The following CMTR1 variants were observed in gnomAD, a reference collection of about 807,000 sequenced individuals.
CMTR1 encodes the protein cap methyltransferase 1, also known as cap-specific mRNA (nucleoside-2'-O-)-methyltransferase 1.
Under a neutral mutation model 107.0 loss-of-function variants are expected in CMTR1, and 39 were observed. That is an observed-to-expected ratio of 0.36 (90% CI 0.28 to 0.48). CMTR1 has a LOEUF of 0.48. Ranked by LOEUF, CMTR1 falls within the 20% of genes least tolerant of loss-of-function variation. The probability of loss-of-function intolerance (pLI) is 0.99; values close to 1 mark genes in which losing one functional copy is unlikely to be tolerated. For synonymous variants in CMTR1, 366 were observed against 379.5 expected, an observed-to-expected ratio of 0.96 and a Z score of 0.41; for missense variants, 672 against 1,064.9, an observed-to-expected ratio of 0.63 and a Z score of 5.14.
chr6:37,479,349 T>G (rs1761808372), intron 23 of CMTR1, 94 bp downstream of exon 23: 1 of 888,996 alleles, frequency 1.1e-6, no homozygotes, highest in Non-Finnish European at 1.9e-6. Flanking sequence ...CCCTGGGTCC[T>G]GAGACTGTTG....
chr6:37,471,719 A>G (rs1338415322), intron 14 of CMTR1, 128 bp from the exon 15 acceptor site: 3 of 717,258 alleles, frequency 4.2e-6, no homozygotes, highest in Non-Finnish European at 7.0e-6. Context: ...CAGTGGCAGC[A>G]TAGTGTCTGT....
Position 37,472,578 on chromosome 6 carries a change from A to G in CMTR1, c.1689+91A>G. On this transcript the variant is annotated intron_variant, in intron 16 of 23. Transcript: ENST00000373451. This position sits in a 1 kb window ranked among gnomAD's most constrained non-coding sequence, Gnocchi z 4.1. Reference sequence around the variant, plus strand: ...CTGAGGCCCCAGATGCATGGTCTCCAGAGGGCTTGTGCAGATGCCCACCAT... The same window carrying G: ...CTGAGGCCCCAGATGCATGGTCTCCGGAGGGCTTGTGCAGATGCCCACCAT... 1.5e-6 allele frequency: 2 copies of G among 1,316,290 alleles called. 1 individual carries two copies. The highest frequency in any genetic ancestry group is 2.2e-6 in the Non-Finnish European group (2 of 912,496). The allele number at this position is 1,316,290 out of a possible 1,614,324, so 81.5% of individuals were successfully genotyped here.
Position 37,453,136 on chromosome 6 carries a change from A to G in CMTR1, c.699A>G (p.Leu233=), listed in dbSNP as rs746839682. 1 of 1,614,106 alleles carries G rather than the reference A, an allele frequency of 6.2e-7. No homozygotes were observed. The highest frequency in any genetic ancestry group is 1.7e-5 in the Admixed American group (1 of 60,022). The change falls in exon 7 of 24, where the codon CTA becomes CTG. Residue 233 remains leucine, a synonymous_variant. Transcript: ENST00000373451. ...PYEMIRGVFF[L]NRAAMKMANM... ...AGATGATCCGAGGAGTCTTCTTTCT[A>G]AACAGGTTTGCTGACATTTCCCTCC...
chr6:37,446,266 G>C (rs371751551), intron 3 of CMTR1, 25 bp from the exon 4 acceptor site: 2 of 1,612,640 alleles, frequency 1.2e-6, no homozygotes, highest in Non-Finnish European at 1.7e-6. Flanking sequence ...CTAATTAATT[G>C]TGCTCCACTA....
chr6:37,480,863 C>T lies in CMTR1; in HGVS notation c.*718C>T. On this transcript the variant is annotated 3_prime_UTR_variant, in exon 24 of 24. Coordinates refer to ENST00000373451, the MANE Select transcript of CMTR1 (RefSeq NM_015050.3). ...CGTACTGAGTATGGAGTTGTAGAGC[C>T]ATCCTAGGTGCCATCCCCTTTTGGT... The T allele has an allele frequency of 8.4e-7, 1 of 1,190,456 alleles. No homozygotes were observed. Among genetic ancestry groups the T allele is most frequent in the Non-Finnish European group, 1.1e-6 (1 of 943,964 alleles). The allele number at this position is 1,190,456 out of a possible 1,614,324, so 73.7% of individuals were successfully genotyped here.
chr6:37,442,941 C>T (rs1771705297), intron 2 of CMTR1, among the ~76,000 whole-genome samples: 2 of 152,130 alleles, frequency 1.3e-5, no homozygotes, highest in Admixed American at 1.3e-4. Context: ...GGAATTATGC[C>T]ACATTGCTAA....
At chr6:37,471,811 A>C in intron 14 of CMTR1, 36 bp from the exon 15 acceptor site, 3 of 1,607,532 alleles carry the variant, frequency 1.9e-6, no homozygotes, top group Non-Finnish European at 2.6e-6. Context: ...TGTGCCTCTT[A>C]GAGATTTTAA....
intron 6 of CMTR1, 56 bp downstream of exon 6, chr6:37,451,933 G>A: frequency 1.4e-6 from 2 of 1,432,940 alleles, no homozygotes; most frequent in South Asian, 1.2e-5. Context: ...GTGATTTGCT[G>A]GACTTTTCCA....
chr6:37,462,732 A>C, intron 12 of CMTR1, 97 bp from the exon 13 acceptor site: 1 of 1,145,544 alleles, frequency 8.7e-7, no homozygotes, highest in East Asian at 2.4e-5. Flanking sequence ...TGAACAGGGA[A>C]GCCATTAAGC....
rs752327193 is a variant in CMTR1 at position 37,478,411 on chromosome 6, T to A, written c.2156T>A (p.Leu719Ter). 3 of 1,613,300 alleles carry A rather than the reference T, an allele frequency of 1.9e-6. No individual in the cohort carries two copies. Among genetic ancestry groups the A allele is most frequent in the Non-Finnish European group, 1.7e-6 (2 of 1,179,278 alleles). Residue 719 changes from leucine (L) to a stop codon, truncating the protein, a stop_gained and splice_region_variant, in exon 22 of 24, where the codon TTG becomes TAG. Coordinates refer to ENST00000373451, the MANE Select transcript of CMTR1 (RefSeq NM_015050.3). LOFTEE classifies it high-confidence loss of function. ...LEEMEKIFVRLEMKIIKGSSG... is the reference protein window; with the variant it reads ...LEEMEKIFVR The stretch of plus-strand genomic sequence containing the variant: ...ACGTACCTTCTCGGGGAAATCAGGT[T>A]GGAGATGAAGATCATCAAGGGCTCC...
chr6:37,465,157 A>G (rs559879159), intron 13 of CMTR1, among the ~76,000 whole-genome samples: 12 of 152,118 alleles, frequency 7.9e-5, no homozygotes, highest in Non-Finnish European at 1.6e-4. Context: ...AATCCCAGCT[A>G]CTGGGGAGGC....
Position 37,453,059 on chromosome 6 carries a change from G to A in CMTR1, c.622G>A (p.Val208Ile), listed in dbSNP as rs146524499. Residue 208 changes from valine (V) to isoleucine (I), a missense_variant, in exon 7 of 24, where the codon GTC becomes ATC. Transcript: ENST00000373451. ...ATTCTCTGGGCAGAGCGTGTTTGAT[G>A]TCTTGGATGGGGAAGAGATGCGGCG... ...SVLQCKSVFDVLDGEEMRRAR... is the reference protein window; with the variant it reads ...SVLQCKSVFDILDGEEMRRAR... 1.9e-6 allele frequency: 3 copies of A among 1,613,996 alleles called. No individual in the cohort carries two copies. The African/African-American group carries it at 4.0e-5, about 22-fold the overall frequency.
chr6:37,474,700 T>C (rs1761702281), intron 18 of CMTR1, 54 bp downstream of exon 18: 2 of 1,600,904 alleles, frequency 1.2e-6, no homozygotes, highest in South Asian at 2.2e-5. Context: ...ACTAGGGGGC[T>C]GCTGAACCTG....
rs1039602721 is a variant in CMTR1, at chr6:37,481,380, C to T, written c.*1235C>T. Reference sequence around the variant, plus strand: ...AATCGACTTCACCATGGGGGTCCTTCAGCCAGCATCCAGCTCCCCACCCCC... The same window carrying T: ...AATCGACTTCACCATGGGGGTCCTTTAGCCAGCATCCAGCTCCCCACCCCC... On this transcript the variant is annotated 3_prime_UTR_variant, in exon 24 of 24. Transcript: ENST00000373451. 1.0e-5 allele frequency: 12 copies of T among 1,187,710 alleles called. No individual in the cohort carries two copies. In the East Asian group the frequency reaches 6.5e-4, roughly 64 times the overall value. 73.6% of individuals were successfully genotyped at this position (1,187,710 alleles called of 1,614,324 possible). A position where few individuals can be genotyped will look rare whatever the true frequency, so the allele number is the denominator to read the frequency against.
At chr6:37,468,134 TTA>T (rs1345938862) in intron 13 of CMTR1, among the ~76,000 whole-genome samples, 1 of 151,816 alleles carries the variant, frequency 6.6e-6, no homozygotes, top group Non-Finnish European at 1.5e-5. Context: ...AGTATTCCTT[TTA>T]TCTCTTTGAG....
chr6:37,428,415 T>A (rs1771322859), upstream of CMTR1, among the ~76,000 whole-genome samples: 1 of 152,190 alleles, frequency 6.6e-6, no homozygotes, highest in Non-Finnish European at 1.5e-5. Context: ...GAACCCTCCC[T>A]TCGTGGGTTC....
At position 37,450,268 on chromosome 6, in the gene CMTR1, G is replaced by C; in HGVS notation, c.462G>C (p.Gln154His). 6.2e-7 allele frequency: 1 copy of C among 1,613,972 alleles called. No individual in the cohort carries two copies. The highest frequency in any genetic ancestry group is 8.5e-7 in the Non-Finnish European group (1 of 1,179,932). The part of the protein sequence containing the change: ...RDEPEPSACE[Q>H]VSWFPECTTE... ...GTTTGCAGCCCAGTGCTTGTGAGCA[G>C]GTGTCATGGTTTCCAGAATGTACCA... The change falls in exon 5 of 24, where the codon CAG becomes CAC. Residue 154 changes from glutamine (Q) to histidine (H), a missense_variant. Coordinates refer to ENST00000373451, the MANE Select transcript of CMTR1 (RefSeq NM_015050.3).
chr6:37,431,618 T>A (rs1196391947), upstream of CMTR1, among the ~76,000 whole-genome samples: 1 of 152,118 alleles, frequency 6.6e-6, no homozygotes, highest in Non-Finnish European at 1.5e-5. Context: ...CCGTGGTAAG[T>A]GCTTTGATAG....
chr6:37,455,073 A>G (rs188355836), intron 8 of CMTR1, among the ~76,000 whole-genome samples: 25 of 145,872 alleles, frequency 1.7e-4, no homozygotes, highest in African/African-American at 6.4e-4. Context: ...AGTGATGGAG[A>G]GAGCAGACTG....
Sources: gnomAD v4.1 joint callset for allele counts (sites outside exome capture counted in the v4.1 genomes callset) on GRCh38, gnomAD v4.1.1 for gene constraint, Gnocchi (gnomAD v3.1) non-coding constraint, MANE v1.5 for transcripts, NCBI Gene and HGNC (gene_info 2026-07-23, HGNC 2026-07-21) for gene names.